DOCK6: variants seen among roughly 807,000 people sequenced by gnomAD.
DOCK6 encodes the protein dedicator of cytokinesis protein 6.
In DOCK6, 167 loss-of-function variants were observed where a neutral mutation model predicts 230.3. That is an observed-to-expected ratio of 0.73 (90% CI 0.64 to 0.82). The LOEUF is 0.82. Among genes scored for constraint, DOCK6 ranks in the 40% least tolerant of loss-of-function variants. DOCK6 has a pLI of 0.00. For missense variants in DOCK6, 2,598 were observed against 2,825.8 expected, an observed-to-expected ratio of 0.92 and a Z score of 1.83; for synonymous variants, 1,148 against 1,185.0, an observed-to-expected ratio of 0.97 and a Z score of 0.64.
In DOCK6 at chr19:11,244,506, A is replaced by G. The variant is rs1423259393; in HGVS notation, c.1024-624T>C. On this transcript the variant is annotated intron_variant, in intron 9 of 47. Transcript: ENST00000294618. Reference sequence around the variant, plus strand: ...GATGGGGTCTCGCTCTGTCACCCAGACGGAAGTGCAATGGCACAATCTCGG... The same window carrying G: ...GATGGGGTCTCGCTCTGTCACCCAGGCGGAAGTGCAATGGCACAATCTCGG... 3.3e-5 allele frequency among the ~76,000 whole-genome samples: 4 copies of G among 122,490 alleles called. No homozygotes were observed. The East Asian group carries it at 1.0e-3, about 32-fold the overall frequency. The allele number at this position is 122,490 out of a possible 152,430, so 80.4% of individuals were successfully genotyped here.
chr19:11,222,360 T>G lies in DOCK6; in HGVS notation c.3241-112A>C. 7.1e-7 allele frequency: 1 copy of G among 1,402,726 alleles called. No homozygotes were observed. Among genetic ancestry groups the G allele is most frequent in the Non-Finnish European group, 9.7e-7 (1 of 1,035,508 alleles). The allele number at this position is 1,402,726 out of a possible 1,614,324, so 86.9% of individuals were successfully genotyped here. A position where few individuals can be genotyped will look rare whatever the true frequency, so the allele number is the denominator to read the frequency against. On this transcript the variant is annotated intron_variant, in intron 26 of 47. Coordinates refer to ENST00000294618, the MANE Select transcript of DOCK6 (RefSeq NM_020812.4). This position sits in a 1 kb window ranked among gnomAD's most constrained non-coding sequence, Gnocchi z 4.0. ...AAATCATGGTGCCAATAGCCACAGATGAAAGACTGATGTTAAGTCATCTGG... is the reference window on the plus strand; with the variant it reads ...AAATCATGGTGCCAATAGCCACAGAGGAAAGACTGATGTTAAGTCATCTGG...
At chr19:11,207,899 C>T (rs2079288691) in intron 39 of DOCK6, among the ~76,000 whole-genome samples, 1 of 151,976 alleles carries the variant, frequency 6.6e-6, no homozygotes, top group South Asian at 2.1e-4. Context: ...CACCGCACTC[C>T]AGCCTAGGTG....
chr19:11,206,164 G>A (rs1224406185), intron 39 of DOCK6: 3 of 152,106 alleles, frequency 2.0e-5, no homozygotes, highest in Non-Finnish European at 4.4e-5. Flanking sequence ...AAAACACACG[G>A]AGCAAAGGCC....
In DOCK6 at chr19:11,200,170, A is replaced by C. The variant is rs953754009; in HGVS notation, c.6101+138T>G. The C allele has an allele frequency of 5.0e-5, 47 of 934,508 alleles. No individual in the cohort carries two copies. Among genetic ancestry groups the C allele is most frequent in the Admixed American group, 6.2e-5 (2 of 32,364 alleles). 57.9% of individuals were successfully genotyped at this position (934,508 alleles called of 1,614,324 possible). On this transcript the variant is annotated intron_variant, in intron 47 of 47. Coordinates refer to ENST00000294618, the MANE Select transcript of DOCK6 (RefSeq NM_020812.4). This position sits in a 1 kb window ranked among gnomAD's most constrained non-coding sequence, Gnocchi z 4.3. Reference sequence around the variant, plus strand: ...TCTCAAAAAAAAAAACAAAAAAAAAACCGGAAACAAAACAAAGTCCAAGCT... The same window carrying C: ...TCTCAAAAAAAAAAACAAAAAAAAACCCGGAAACAAAACAAAGTCCAAGCT...
At position 11,243,417 on chromosome 19, in the gene DOCK6, G is replaced by T. The variant is rs765840145; in HGVS notation, c.1259-32C>A. On this transcript the variant is annotated intron_variant, in intron 11 of 47. Coordinates refer to ENST00000294618, the MANE Select transcript of DOCK6 (RefSeq NM_020812.4). This position sits in a 1 kb window ranked among gnomAD's most constrained non-coding sequence, Gnocchi z 6.3. ...GAGGGAATGACAATGACAAAAGGGG[G>T]ACCAAGATGAAACAGGGAGACTCAG... 10 of 1,593,046 alleles carry T rather than the reference G, an allele frequency of 6.3e-6. No individual in the cohort carries two copies. Among genetic ancestry groups the T allele is most frequent in the Non-Finnish European group, 7.7e-6 (9 of 1,170,776 alleles).
chr19:11,201,820 C>A lies in DOCK6; in HGVS notation c.5688+69G>T, dbSNP rs374235731. 10 of 1,279,306 alleles carry A rather than the reference C, an allele frequency of 7.8e-6. No individual in the cohort carries two copies. Among genetic ancestry groups the A allele is most frequent in the East Asian group, 2.7e-5 (1 of 37,394 alleles). The allele number at this position is 1,279,306 out of a possible 1,614,324, so 79.2% of individuals were successfully genotyped here. On this transcript the variant is annotated intron_variant, in intron 44 of 47. Coordinates refer to ENST00000294618, the MANE Select transcript of DOCK6 (RefSeq NM_020812.4). The surrounding 1 kb of genome is among the most constrained non-coding windows in gnomAD (Gnocchi z 4.3). ...GGGTCTGGGTCCCTGTGTCTACCCTCCCCTCCCCTCCCAGGGTCTGATGTC... is the reference window on the plus strand; with the variant it reads ...GGGTCTGGGTCCCTGTGTCTACCCTACCCTCCCCTCCCAGGGTCTGATGTC...
chr19:11,217,382 C>G lies in DOCK6; in HGVS notation c.3560G>C (p.Gly1187Ala). The G allele has an allele frequency of 1.2e-6, 2 of 1,613,030 alleles. No individual in the cohort carries two copies. Among genetic ancestry groups the G allele is most frequent in the South Asian group, 2.2e-5 (2 of 90,886 alleles). The change falls in exon 29 of 48, where the codon GGT becomes GCT. Residue 1187 changes from glycine (G) to alanine (A), a missense_variant. Physicochemically the swap from Gly to Ala is moderately conservative, Grantham distance 60. Coordinates refer to ENST00000294618, the MANE Select transcript of DOCK6 (RefSeq NM_020812.4). ...CATTGAGGCCAGTCTTGACCGCTGA[C>G]CTGGGCCCTCTGGCAGGGAAAGACA... ...PRLHDFAEGP[G>A]QRSRLASMLD... is the part of the protein sequence containing the mutation.
intron 28 of DOCK6, among the ~76,000 whole-genome samples, chr19:11,219,552 T>G (rs1015927160): frequency 8.6e-5 from 13 of 151,594 alleles, no homozygotes; most frequent in Non-Finnish European, 1.5e-4. Flanking sequence ...CACTTTGTGA[T>G]GTCGAGGCGG....
At position 11,202,707 on chromosome 19, in the gene DOCK6, G is replaced by A. The variant is rs375809503; in HGVS notation, c.5238C>T (p.Arg1746=). Residue 1746 remains arginine, a splice_region_variant and synonymous_variant, in exon 42 of 48, where the codon CGC becomes CGT. Transcript: ENST00000294618. The surrounding 1 kb of genome is among the most constrained non-coding windows in gnomAD (Gnocchi z 5.3). ...CCACGCGGAAATACGTCCCGAACAC[G>A]CGCTGGGGCTGTGAGAAAGGGTGTG... The part of the protein sequence containing the change: ...KIMHQSSGWE[R]VFGTYFRVGF... 5 of 1,613,666 alleles carry A rather than the reference G, an allele frequency of 3.1e-6. No homozygotes were observed. The highest frequency in any genetic ancestry group is 2.2e-5 in the East Asian group (1 of 44,900).
Position 11,213,256 on chromosome 19 carries a change from C to T in DOCK6, c.4411G>A (p.Gly1471Ser), listed in dbSNP as rs1326719789. Reference protein sequence around the residue: ...DLCLRLLRHCGSRISTIRTHA... With the variant: ...DLCLRLLRHCSSRISTIRTHA... ...GTGCGGATGGTGCTGATGCGGCTGC[C>T]ACAGTGTCGTAGGAGCCTCAGGCAC... is the stretch of plus-strand genomic sequence containing the variant. The change falls in exon 35 of 48, where the codon GGC becomes AGC. Residue 1471 changes from glycine (G) to serine (S), a missense_variant. Physicochemically the swap from Gly to Ser is moderately conservative, Grantham distance 56. Coordinates refer to ENST00000294618, the MANE Select transcript of DOCK6 (RefSeq NM_020812.4). 1.2e-6 allele frequency: 2 copies of T among 1,612,972 alleles called. No homozygotes were observed. The highest frequency in any genetic ancestry group is 1.3e-5 in the African/African-American group (1 of 74,928).
At chr19:11,248,964 G>A (rs1168131935) in intron 6 of DOCK6, among the ~76,000 whole-genome samples, 2 of 152,084 alleles carry the variant, frequency 1.3e-5, no homozygotes, top group Admixed American at 6.6e-5. Flanking sequence ...ACCCAATAAC[G>A]CACCCAGTAA....
intron 24 of DOCK6, among the ~76,000 whole-genome samples, chr19:11,224,157 G>T (rs181454037): frequency 1.3e-5 from 2 of 149,742 alleles, no homozygotes; most frequent in African/African-American, 4.9e-5. Flanking sequence ...TTGCAGTTTT[G>T]CAATTACTTT....
intron 14 of DOCK6, chr19:11,239,549 C>T: frequency 1.3e-6 from 2 of 1,511,326 alleles, no homozygotes; most frequent in Non-Finnish European, 1.8e-6. Context: ...ACCAGGTCGG[C>T]CAGTTAACGA....
At chr19:11,230,786 C>T (rs34757881) in intron 22 of DOCK6, among the ~76,000 whole-genome samples, 7,804 of 152,104 alleles carry the variant, frequency 0.051, 301 homozygotes, top group Admixed American at 0.14. Flanking sequence ...CCTGCCCAAG[C>T]CTGGCTTGGG....
At chr19:11,231,422 G>A (rs530726130) in intron 22 of DOCK6, among the ~76,000 whole-genome samples, 4 of 151,884 alleles carry the variant, frequency 2.6e-5, no homozygotes, top group South Asian at 2.1e-4. Context: ...TCCTTTCCAC[G>A]CTGTGTGATC....
At position 11,217,004 on chromosome 19, in the gene DOCK6, G is replaced by A. The variant is rs371538119; in HGVS notation, c.3804C>T (p.Leu1268=). ...LWVLKNTEPA[L]LQRWATDLTL... ...TCAGGTCAGTGGCCCAGCGCTGCAG[G>A]AGCGCCGGCTCGGTGTTTTTCAGCA... The change falls in exon 30 of 48, where the codon CTC becomes CTT. Residue 1268 remains leucine (L), a synonymous_variant. Coordinates refer to ENST00000294618, the MANE Select transcript of DOCK6 (RefSeq NM_020812.4). 1 of 1,613,542 alleles carries A rather than the reference G, an allele frequency of 6.2e-7. No homozygotes were observed. The highest frequency in any genetic ancestry group is 1.3e-5 in the African/African-American group (1 of 74,934).
At chr19:11,262,118 G>T (rs192912091) in intron 1 of DOCK6, among the ~76,000 whole-genome samples, 17 of 152,086 alleles carry the variant, frequency 1.1e-4, no homozygotes, top group Admixed American at 9.8e-4. Flanking sequence ...CCTCCTCCGG[G>T]AAGCCCTCCG....
In DOCK6 at chr19:11,200,083, G is replaced by A. The variant is rs995570218; in HGVS notation, c.6101+225C>T. On this transcript the variant is annotated intron_variant, in intron 47 of 47. Transcript: ENST00000294618. This position sits in a 1 kb window ranked among gnomAD's most constrained non-coding sequence, Gnocchi z 4.3. ...GAGACTCGCTTGAATCTGGGAGGCG[G>A]AGGTTGCAGTGAGCCAAGACTGTGC... Among the ~76,000 whole-genome samples, 4 of 151,430 alleles carry A rather than the reference G, an allele frequency of 2.6e-5. No individual in the cohort carries two copies. Among genetic ancestry groups the A allele is most frequent in the African/African-American group, 9.7e-5 (4 of 41,112 alleles).
In DOCK6 at chr19:11,216,895, C is replaced by T. The variant is rs4804150; in HGVS notation, c.3894+19G>A. The T allele has an allele frequency of 0.46, 738,748 of 1,608,516 alleles. 180,051 individuals carry two copies. The highest frequency in any genetic ancestry group is 0.51 in the Middle Eastern group (3,109 of 6,040). On this transcript the variant is annotated intron_variant, in intron 30 of 47. Coordinates refer to ENST00000294618, the MANE Select transcript of DOCK6 (RefSeq NM_020812.4). Reference sequence around the variant, plus strand: ...CCTTAGCCTGCCTCCTCCATCATCTCCTGCCCACGCCCTCAAACCTTGTAC... The same window carrying T: ...CCTTAGCCTGCCTCCTCCATCATCTTCTGCCCACGCCCTCAAACCTTGTAC...
Sources: gnomAD v4.1 joint callset for allele counts (sites outside exome capture counted in the v4.1 genomes callset) on GRCh38, gnomAD v4.1.1 for gene constraint, Gnocchi (gnomAD v3.1) non-coding constraint, MANE v1.5 for transcripts, NCBI Gene and HGNC (gene_info 2026-07-23, HGNC 2026-07-21) for gene names.